The following LARP1B variants were observed in gnomAD, a reference collection of about 807,000 sequenced individuals.
LARP1B encodes the protein la-related protein 1B.
A neutral mutation model predicts 114.2 loss-of-function variants in LARP1B; 76 were observed. That is an observed-to-expected ratio of 0.67 (90% confidence interval 0.55 to 0.81). The LOEUF is 0.81. Among genes scored for constraint, LARP1B ranks in the 30% least tolerant of loss-of-function variants. The pLI is 0.00. For missense variants in LARP1B, 1,014 were observed against 1,075.8 expected, an observed-to-expected ratio of 0.94 and a Z score of 0.80; for synonymous variants, 345 against 348.0, an observed-to-expected ratio of 0.99 and a Z score of 0.10.
intron 19 of LARP1B, among the ~76,000 whole-genome samples, chr4:128,208,287 C>T (rs1481070727): frequency 2.8e-5 from 4 of 144,892 alleles, no homozygotes; most frequent in Admixed American, 6.9e-5. Flanking sequence ...GAGATTGTGC[C>T]ACTGCACTCC....
chr4:128,169,922 C>T (rs1007004972), intron 12 of LARP1B, among the ~76,000 whole-genome samples: 1 of 152,184 alleles, frequency 6.6e-6, no homozygotes, highest in African/African-American at 2.4e-5. Context: ...CAGGCATGAG[C>T]CATGAGCACA....
intron 12 of LARP1B, among the ~76,000 whole-genome samples, chr4:128,167,007 T>C (rs1581210366): frequency 1.4e-5 from 2 of 147,850 alleles, no homozygotes; most frequent in East Asian, 2.0e-4. Context: ...CACACACATA[T>C]ATATACATAT....
chr4:128,084,799 C>G (rs1463733702), intron 5 of LARP1B, among the ~76,000 whole-genome samples: 1 of 152,074 alleles, frequency 6.6e-6, no homozygotes, highest in Non-Finnish European at 1.5e-5. Context: ...TTAATATTAA[C>G]TTTGATTACC....
intron 9 of LARP1B, chr4:128,108,056 G>A: frequency 6.8e-7 from 1 of 1,466,382 alleles, no homozygotes; most frequent in Admixed American, 2.6e-5. Context: ...GGTGGAGGAA[G>A]TTGGGCCAAC....
At chr4:128,107,402 G>A (rs1352899932) in intron 9 of LARP1B, 89 bp downstream of exon 9, 1 of 1,532,498 alleles carries the variant, frequency 6.5e-7, no homozygotes, top group Non-Finnish European at 8.8e-7. Flanking sequence ...AGTTTATTTA[G>A]ATTTGATAGG....
rs1343247809 is a variant in LARP1B, at chr4:128,199,421, T to A, written c.2004-18T>A. The A allele has an allele frequency of 6.8e-7, 1 of 1,473,118 alleles. No homozygotes were observed. The allele number at this position is 1,473,118 out of a possible 1,614,324, so 91.3% of individuals were successfully genotyped here. A position where few individuals can be genotyped will look rare whatever the true frequency, so the allele number is the denominator to read the frequency against. On this transcript the variant is annotated intron_variant, in intron 15 of 19. Coordinates refer to ENST00000326639, the MANE Select transcript of LARP1B (RefSeq NM_018078.4). ...TTGATTTTTCATTTTGAAGGCTTTT[T>A]TCCCCTTTCTCAAACAGCACTTCAA...
intron 6 of LARP1B, among the ~76,000 whole-genome samples, chr4:128,219,346 G>A (rs1452157081): frequency 7.7e-5 from 7 of 90,468 alleles, no homozygotes; most frequent in African/African-American, 1.8e-4. Flanking sequence ...ACATGCACAC[G>A]TATGTTTATT....
At position 128,206,428 on chromosome 4, in the gene LARP1B, G is replaced by A. The variant is rs1240769047; in HGVS notation, c.2310G>A (p.Arg770=). 2.6e-6 allele frequency: 4 copies of A among 1,565,410 alleles called. No individual in the cohort carries two copies. The highest frequency in any genetic ancestry group is 1.2e-5 in the South Asian group (1 of 84,174). Residue 770 remains arginine (R), a splice_region_variant and synonymous_variant, in exon 18 of 20, where the codon AGG becomes AGA. Transcript: ENST00000326639. ...TAAACCTTTTATTTTCTCTTTATAG[G>A]TATGGGTTAGAATGTCTGTTCAGGT... ...LAWEDAKENY[R]YGLECLFRFY...
intron 1 of LARP1B, among the ~76,000 whole-genome samples, chr4:128,063,705 G>A (rs1161355295): frequency 6.6e-6 from 1 of 151,762 alleles, no homozygotes; most frequent in Non-Finnish European, 1.5e-5. Flanking sequence ...CTTGAACCCG[G>A]GAGGCAGAGG....
chr4:128,164,775 A>G (rs1740000576), intron 12 of LARP1B, among the ~76,000 whole-genome samples: 1 of 152,170 alleles, frequency 6.6e-6, no homozygotes, highest in South Asian at 2.1e-4. Context: ...GCCTGGGCAT[A>G]CTGTTGCAAA....
At chr4:128,189,454 G>A (rs1227382573) in intron 15 of LARP1B, among the ~76,000 whole-genome samples, 1 of 144,444 alleles carries the variant, frequency 6.9e-6, no homozygotes, top group East Asian at 2.1e-4. Flanking sequence ...GTTGGATCTT[G>A]TTTCTAAAAG....
chr4:128,208,845 G>A (rs1758298226), intron 19 of LARP1B, among the ~76,000 whole-genome samples: 2 of 152,156 alleles, frequency 1.3e-5, no homozygotes, highest in Non-Finnish European at 2.9e-5. Context: ...AGGAATTCTA[G>A]ATAAACCTTC....
At chr4:128,108,134 G>A in intron 9 of LARP1B, 2 of 1,318,254 alleles carry the variant, frequency 1.5e-6, no homozygotes, top group Non-Finnish European at 1.9e-6. Context: ...TCTTTTTATA[G>A]GAGCTGCCTA....
downstream of LARP1B, among the ~76,000 whole-genome samples, chr4:128,216,907 T>C (rs1759534137): frequency 6.6e-6 from 1 of 151,092 alleles, no homozygotes; most frequent in South Asian, 2.1e-4. Flanking sequence ...GCAAGACTAA[T>C]AAAGAAAAAA....
At chr4:128,077,336 TAAAA>T (rs1227237462) in intron 3 of LARP1B, among the ~76,000 whole-genome samples, 1 of 142,060 alleles carries the variant, frequency 7.0e-6, no homozygotes. Flanking sequence ...CCTCTCTACT[TAAAA>T]AAAAAAAAGA....
rs1276933515 is a variant in LARP1B at position 128,114,632 on chromosome 4, A to G, written c.1051A>G (p.Ser351Gly). Reference protein sequence around the residue: ...PLSPKKNSETSILQAMSRGLS... With the variant: ...PLSPKKNSETGILQAMSRGLS... ...GAGCCCAAAGAAAAACAGTGAAACA[A>G]GTATTCTTCAAGCAATGTCTAGAGG... The change falls in exon 10 of 20, where the codon AGT (serine) becomes GGT (glycine). Residue 351 changes from serine to glycine, a missense_variant. Ser to Gly is a moderately conservative substitution (Grantham distance 56, BLOSUM62 0). Transcript: ENST00000326639. 8 of 1,613,872 alleles carry G rather than the reference A, an allele frequency of 5.0e-6. No homozygotes were observed. The highest frequency in any genetic ancestry group is 6.8e-6 in the Non-Finnish European group (8 of 1,179,866).
intron 12 of LARP1B, among the ~76,000 whole-genome samples, chr4:128,172,870 A>G (rs1407121351): frequency 6.6e-6 from 1 of 150,600 alleles, no homozygotes. Context: ...TGTTTTAGGT[A>G]ACTTTTATTC....
intron 11 of LARP1B, among the ~76,000 whole-genome samples, chr4:128,152,676 A>G (rs1234585224): frequency 6.6e-6 from 1 of 151,114 alleles, no homozygotes; most frequent in Non-Finnish European, 1.5e-5. Context: ...TTTTATTTTT[A>G]TATTTTAATT....
chr4:128,077,194 T>TC (rs1491505119), intron 3 of LARP1B, among the ~76,000 whole-genome samples: 1 of 152,156 alleles, frequency 6.6e-6, no homozygotes, highest in African/African-American at 2.4e-5. Context: ...ATGTGATCAA[T>TC]CTGCCCATTT....
Sources: allele counts gnomAD v4.1 joint callset (sites outside exome capture counted in the v4.1 genomes callset), GRCh38; gene constraint gnomAD v4.1.1; transcripts MANE v1.5; gene names NCBI Gene and HGNC (gene_info 2026-07-23, HGNC 2026-07-21).